DIS3L2: variants seen among roughly 807,000 people sequenced by gnomAD.
The protein encoded by DIS3L2 is DIS3 like 3'-5' exoribonuclease 2.
A neutral mutation model predicts 97.5 loss-of-function variants in DIS3L2; 34 were observed. The observed-to-expected ratio is 0.35, with a 90% confidence interval of 0.27 to 0.46. The LOEUF is 0.46. Among genes scored for constraint, DIS3L2 ranks in the 20% least tolerant of loss-of-function variants. The probability of loss-of-function intolerance (pLI) is 1.00; values close to 1 mark genes in which losing one functional copy is unlikely to be tolerated. For missense variants in DIS3L2, 1,038 were observed against 1,146.0 expected, an observed-to-expected ratio of 0.91 and a Z score of 1.36; for synonymous variants, 435 against 445.2, an observed-to-expected ratio of 0.98 and a Z score of 0.29.
intron 1 of DIS3L2, among the ~76,000 whole-genome samples, chr2:231,969,309 C>G (rs1325781613): frequency 7.3e-6 from 1 of 137,082 alleles, no homozygotes; most frequent in Non-Finnish European, 1.6e-5. Context: ...AGTCCTAGAC[C>G]TTTTTTTTTT....
At chr2:232,232,467 G>A (rs543058167) in intron 10 of DIS3L2, among the ~76,000 whole-genome samples, 1 of 152,308 alleles carries the variant, frequency 6.6e-6, no homozygotes, top group Admixed American at 6.5e-5. Flanking sequence ...GGTGACAGTG[G>A]TGGGAAGGAA....
At chr2:232,079,207 T>C (rs1696308958) in intron 5 of DIS3L2, among the ~76,000 whole-genome samples, 2 of 152,318 alleles carry the variant, frequency 1.3e-5, no homozygotes, top group Admixed American at 6.5e-5. Flanking sequence ...ATAGAATAGA[T>C]ACCTCTATGT....
chr2:232,063,146 G>C (rs1269363846), intron 5 of DIS3L2, among the ~76,000 whole-genome samples: 2 of 152,058 alleles, frequency 1.3e-5, no homozygotes, highest in Non-Finnish European at 2.9e-5. Context: ...CTGGCTCCTT[G>C]CTCCCACCTC....
chr2:232,155,147 A>T (rs1442913615), intron 8 of DIS3L2, among the ~76,000 whole-genome samples: 2 of 150,512 alleles, frequency 1.3e-5, no homozygotes, highest in Non-Finnish European at 2.9e-5. Flanking sequence ...ATGGAAATGC[A>T]GAAATCACCC....
chr2:232,119,362 C>T (rs1479413160), intron 6 of DIS3L2, among the ~76,000 whole-genome samples: 1 of 152,144 alleles, frequency 6.6e-6, no homozygotes, highest in African/African-American at 2.4e-5. Context: ...TAGTAAACAC[C>T]ATATTTCTAG....
At chr2:232,310,411 C>T (rs539736255) in intron 14 of DIS3L2, among the ~76,000 whole-genome samples, 1 of 152,318 alleles carries the variant, frequency 6.6e-6, no homozygotes, top group South Asian at 2.1e-4. Flanking sequence ...CAGCATGATG[C>T]AGGCACAACT....
intron 1 of DIS3L2, among the ~76,000 whole-genome samples, chr2:232,010,806 C>T (rs1372959049): frequency 6.6e-6 from 1 of 152,208 alleles, no homozygotes; most frequent in Non-Finnish European, 1.5e-5. Flanking sequence ...TCAAATTTTG[C>T]ACCCTAAGTG....
At chr2:231,967,529 C>G (rs973359640) in intron 1 of DIS3L2, among the ~76,000 whole-genome samples, 5 of 152,170 alleles carry the variant, frequency 3.3e-5, no homozygotes, top group Non-Finnish European at 7.4e-5. Flanking sequence ...ATGCAAAACT[C>G]TAGCAACAGT....
chr2:232,068,886 G>A (rs1037400423), intron 5 of DIS3L2, among the ~76,000 whole-genome samples: 1 of 151,788 alleles, frequency 6.6e-6, no homozygotes, highest in Non-Finnish European at 1.5e-5. Context: ...TGGCGATCTC[G>A]GCTCACTGCA....
chr2:232,149,575 T>C (rs1243409855), intron 8 of DIS3L2, among the ~76,000 whole-genome samples: 1 of 147,230 alleles, frequency 6.8e-6, no homozygotes, highest in Non-Finnish European at 1.5e-5. Flanking sequence ...TTGTGCCACA[T>C]TTTCTTAATC....
At chr2:232,132,844 G>T (rs1476963985) in intron 7 of DIS3L2, among the ~76,000 whole-genome samples, 1 of 152,028 alleles carries the variant, frequency 6.6e-6, no homozygotes, top group Non-Finnish European at 1.5e-5. Flanking sequence ...GTTTCTGTGG[G>T]ACTGCGACTC....
chr2:232,123,598 C>T (rs867254714), intron 6 of DIS3L2, among the ~76,000 whole-genome samples: 1 of 151,874 alleles, frequency 6.6e-6, no homozygotes, highest in Non-Finnish European at 1.5e-5. Context: ...TTCCGTTAAT[C>T]GTTATGGTGG....
intron 1 of DIS3L2, among the ~76,000 whole-genome samples, chr2:232,003,071 C>T (rs1275325338): frequency 6.6e-6 from 1 of 152,058 alleles, no homozygotes; most frequent in East Asian, 1.9e-4. Flanking sequence ...CCAGGCTTAC[C>T]CAGGTATTCT....
chr2:232,086,679 A>G (rs11676003), intron 5 of DIS3L2, among the ~76,000 whole-genome samples: 61,096 of 102,932 alleles, frequency 0.59, 19,215 homozygotes, highest in East Asian at 0.67. Context: ...GTGTGTGTGT[A>G]TATATATATT....
At chr2:232,307,108 C>T (rs561556524) in intron 14 of DIS3L2, among the ~76,000 whole-genome samples, 8 of 152,376 alleles carry the variant, frequency 5.3e-5, no homozygotes, top group African/African-American at 1.9e-4. Flanking sequence ...TGCCTGTCTG[C>T]TCCATGTCAG....
At chr2:232,343,513 T>C in exon 14 of DIS3L2, 1 of 1,558,496 alleles carries the variant, frequency 6.4e-7, no homozygotes. Context: ...GAGCCGTGTA[T>C]TGGAAGCAAA....
intron 9 of DIS3L2, among the ~76,000 whole-genome samples, chr2:232,168,695 C>T (rs1690895395): frequency 6.6e-6 from 1 of 152,188 alleles, no homozygotes; most frequent in African/African-American, 2.4e-5. Flanking sequence ...ACCTGACCCA[C>T]ACATAGTGAG....
At chr2:232,098,275 G>A (rs1417527768) in intron 6 of DIS3L2, among the ~76,000 whole-genome samples, 1 of 151,910 alleles carries the variant, frequency 6.6e-6, no homozygotes, top group Admixed American at 6.6e-5. Flanking sequence ...AATGATTGTA[G>A]TGTACACTCC....
chr2:232,181,602 G>A (rs965561992), intron 9 of DIS3L2, among the ~76,000 whole-genome samples: 12 of 151,532 alleles, frequency 7.9e-5, no homozygotes, highest in African/African-American at 1.9e-4. Context: ...CCAGTTGATC[G>A]CATCGGCCAC....
Sources: gnomAD v4.1 joint callset for allele counts (sites outside exome capture counted in the v4.1 genomes callset) on GRCh38, gnomAD v4.1.1 for gene constraint, MANE v1.5 for transcripts, NCBI Gene and HGNC (gene_info 2026-07-23, HGNC 2026-07-21) for gene names.